LPAR1: variants seen among roughly 807,000 people sequenced by gnomAD.
The protein encoded by LPAR1 is LPA receptor 1.
In LPAR1, 5 loss-of-function variants were observed where a neutral mutation model predicts 23.8. That is an observed-to-expected ratio of 0.21 (90% CI 0.11 to 0.44). The LOEUF is 0.44. LPAR1 is among the 20% of genes least tolerant of loss of function. The probability of loss-of-function intolerance (pLI) is 0.99; values close to 1 mark genes in which losing one functional copy is unlikely to be tolerated. For missense variants in LPAR1, 311 were observed against 482.8 expected, an observed-to-expected ratio of 0.64 and a Z score of 3.33; for synonymous variants, 160 against 164.7, an observed-to-expected ratio of 0.97 and a Z score of 0.22.
intron 5 of LPAR1, among the ~76,000 whole-genome samples, chr9:110,878,939 T>C (rs1376577936): frequency 1.3e-5 from 2 of 152,042 alleles, no homozygotes; most frequent in Non-Finnish European, 2.9e-5. Context: ...AGAGACAACA[T>C]AGGGAAGCAA....
At chr9:110,925,216 GGATATA>G (rs1395361571) in intron 5 of LPAR1, among the ~76,000 whole-genome samples, 1 of 150,634 alleles carries the variant, frequency 6.6e-6, no homozygotes, top group Non-Finnish European at 1.5e-5. Flanking sequence ...CTGAGATTTT[GGATATA>G]GATATAGATA....
chr9:110,888,988 T>C (rs895538125), intron 5 of LPAR1, among the ~76,000 whole-genome samples: 1 of 152,174 alleles, frequency 6.6e-6, no homozygotes, highest in Non-Finnish European at 1.5e-5. Flanking sequence ...TGCAAGGATA[T>C]ACAACTCTTT....
chr9:110,982,415 G>A (rs377687433), intron 2 of LPAR1, among the ~76,000 whole-genome samples: 54 of 152,028 alleles, frequency 3.6e-4, no homozygotes, highest in African/African-American at 1.2e-3. Context: ...TCATAAGTGG[G>A]AGTTGAACAA....
intron 5 of LPAR1, among the ~76,000 whole-genome samples, chr9:110,939,690 T>C (rs1223796873): frequency 6.6e-6 from 1 of 151,088 alleles, no homozygotes; most frequent in African/African-American, 2.4e-5. Flanking sequence ...ATTCAGTACA[T>C]TGCACACTGG....
intron 2 of LPAR1, among the ~76,000 whole-genome samples, chr9:111,031,284 C>T (rs1037914654): frequency 6.6e-6 from 1 of 150,994 alleles, no homozygotes; most frequent in Admixed American, 6.6e-5. Context: ...TAGCCAGATG[C>T]GGTGGCTCAC....
rs140045869 is a variant in LPAR1, at chr9:110,921,254, A to G, written c.793+20167T>C. ...TAGCCACTGTACTCCAGTATAGGTG[A>G]CAGAGCAAGATCTTATCTCAGTTTA... On this transcript the variant is annotated intron_variant, in intron 5 of 5. Transcript: ENST00000683809. 2.2e-3 allele frequency among the ~76,000 whole-genome samples: 338 copies of G among 152,350 alleles called. 1 individual carries two copies. The highest frequency in any genetic ancestry group is 4.5e-3 in the Non-Finnish European group (303 of 68,028).
intron 4 of LPAR1, among the ~76,000 whole-genome samples, chr9:110,967,536 G>GA (rs2137855900): frequency 6.6e-6 from 1 of 152,298 alleles, no homozygotes; most frequent in Admixed American, 6.5e-5. Context: ...TTTGGCCTTA[G>GA]AAAAGGATTT....
rs55696642 is a variant in LPAR1, at chr9:111,009,998, AATATATATATATATATATATATATATAT to A, written c.-182+26096_-182+26123del. ...TCATTTCTCATTTCATAATTAGGAAAATATATATATATATATATATATATATATATATATATATATATATATATGGATA... is the reference window on the plus strand; with the variant it reads ...TCATTTCTCATTTCATAATTAGGAAAATATATATATATATATATATGGATA... On this transcript the variant is annotated intron_variant, in intron 2 of 5. Transcript: ENST00000683809. 6.5e-4 allele frequency among the ~76,000 whole-genome samples: 80 copies of A among 123,434 alleles called. 2 individuals carry two copies. The East Asian group carries it at 0.012, about 18-fold the overall frequency. 81.0% of individuals were successfully genotyped at this position (123,434 alleles called of 152,430 possible).
chr9:110,921,957 A>C (rs369319048), intron 5 of LPAR1, among the ~76,000 whole-genome samples: 54 of 152,320 alleles, frequency 3.5e-4, no homozygotes, highest in African/African-American at 1.3e-3. Flanking sequence ...ATCAGAGCCT[A>C]CGGGGCTGCA....
chr9:110,928,079 G>A (rs1184673496), intron 5 of LPAR1, among the ~76,000 whole-genome samples: 3 of 152,006 alleles, frequency 2.0e-5, no homozygotes, highest in Non-Finnish European at 2.9e-5. Context: ...AAGCTTCCTA[G>A]TAATAAAGCT....
At chr9:110,881,240 C>T (rs2080740062) in intron 5 of LPAR1, among the ~76,000 whole-genome samples, 1 of 152,098 alleles carries the variant, frequency 6.6e-6, no homozygotes, top group Non-Finnish European at 1.5e-5. Flanking sequence ...GCACATGTTG[C>T]ATACATTTAA....
intron 4 of LPAR1, among the ~76,000 whole-genome samples, chr9:110,951,201 A>T (rs2095558782): frequency 6.6e-6 from 1 of 152,102 alleles, no homozygotes. Flanking sequence ...AAATACACAT[A>T]TAATAAAATA....
intron 2 of LPAR1, among the ~76,000 whole-genome samples, chr9:111,033,386 A>C (rs996976111): frequency 6.6e-6 from 1 of 152,222 alleles, no homozygotes; most frequent in African/African-American, 2.4e-5. Flanking sequence ...ATCCTAAAAT[A>C]AAGTATACTA....
chr9:111,009,998 A>AATATATATATAT (rs55696642), intron 2 of LPAR1, among the ~76,000 whole-genome samples: 157 of 123,320 alleles, frequency 1.3e-3, no homozygotes, highest in South Asian at 3.3e-3. Flanking sequence ...TAATTAGGAA[A>AATATATATATAT]ATATATATAT....
intron 2 of LPAR1, among the ~76,000 whole-genome samples, chr9:111,008,728 G>A (rs1410437767): frequency 6.6e-6 from 1 of 152,094 alleles, no homozygotes; most frequent in Non-Finnish European, 1.5e-5. Flanking sequence ...CCGGACACTT[G>A]CCCTTAATAA....
intron 2 of LPAR1, among the ~76,000 whole-genome samples, chr9:111,031,266 A>G (rs1161524509): frequency 6.6e-6 from 1 of 152,036 alleles, no homozygotes; most frequent in African/African-American, 2.4e-5. Flanking sequence ...TGACTTCAAA[A>G]TAAGTATTAG....
At chr9:110,994,341 T>C (rs1385544111) in intron 2 of LPAR1, among the ~76,000 whole-genome samples, 1 of 152,200 alleles carries the variant, frequency 6.6e-6, no homozygotes, top group African/African-American at 2.4e-5. Context: ...GACCTAATTA[T>C]AAATACAGTG....
intron 4 of LPAR1, among the ~76,000 whole-genome samples, chr9:110,969,442 T>C (rs2096337548): frequency 6.6e-6 from 1 of 152,162 alleles, no homozygotes; most frequent in South Asian, 2.1e-4. Flanking sequence ...TCGGGCGCAG[T>C]GGCTCATGGC....
chr9:110,960,489 C>T (rs1038582043), intron 4 of LPAR1, among the ~76,000 whole-genome samples: 1 of 152,150 alleles, frequency 6.6e-6, no homozygotes, highest in African/African-American at 2.4e-5. Context: ...AAAAGGGCTC[C>T]AACTTTATCT....
Sources: gnomAD v4.1 joint callset for allele counts (sites outside exome capture counted in the v4.1 genomes callset) on GRCh38, gnomAD v4.1.1 for gene constraint, MANE v1.5 for transcripts, NCBI Gene and HGNC (gene_info 2026-07-23, HGNC 2026-07-21) for gene names.